Variants in ERO1A observed in about 807,000 individuals in gnomAD.
ERO1A encodes the protein ERO1-like protein alpha.
A neutral mutation model predicts 76.9 loss-of-function variants in ERO1A; 49 were observed. The observed-to-expected ratio is 0.64, with a 90% confidence interval of 0.51 to 0.81. ERO1A has a LOEUF of 0.81. ERO1A is among the 30% of genes least tolerant of loss of function. The pLI is 0.00. For missense variants in ERO1A, 448 were observed against 542.1 expected (o/e 0.83, Z 1.72); for synonymous variants, 174 against 181.2 (o/e 0.96, Z 0.32).
chr14:52,684,895 T>C (rs1419313002), intron 1 of ERO1A, among the ~76,000 whole-genome samples: 3 of 152,050 alleles, frequency 2.0e-5, no homozygotes, highest in Non-Finnish European at 4.4e-5. Flanking sequence ...GAACTAAAGA[T>C]TGCTTTAAGA....
intron 11 of ERO1A, among the ~76,000 whole-genome samples, chr14:52,654,116 T>G (rs1002929532): frequency 2.0e-5 from 3 of 152,152 alleles, no homozygotes. Flanking sequence ...TGCTTTTTAT[T>G]AAATTCATTA....
rs370745677 is a variant in ERO1A, at chr14:52,653,153, C to A, written c.971G>T (p.Arg324Leu). 39 of 1,612,662 alleles carry A rather than the reference C, an allele frequency of 2.4e-5. No individual in the cohort carries two copies. The African/African-American group carries it at 5.2e-4, about 22-fold the overall frequency. Residue 324 changes from arginine (R) to leucine (L), a missense_variant, in exon 12 of 16, where the codon CGC becomes CTC. Arg to Leu is a moderately radical substitution (Grantham distance 102, BLOSUM62 -2). Around this residue, in one of 2 missense-constraint regions of ERO1A, gnomAD observed 302 missense variants for 411.9 expected, o/e 0.73. Transcript: ENST00000395686. ...ALSKVLPFFE[R>L]PDFQLFTGNK... ...TCCAGTAAAGAGTTGAAAATCTGGG[C>A]GCTCGAAGAATGGTAACACTTTGGA...
At chr14:52,672,078 G>A in intron 4 of ERO1A, 2 of 412,210 alleles carry the variant, frequency 4.9e-6, no homozygotes, top group Non-Finnish European at 8.6e-6. Context: ...CCCGAGGCAG[G>A]TGGATCACCT....
At chr14:52,686,005 A>G (rs1269907924) in intron 1 of ERO1A, among the ~76,000 whole-genome samples, 1 of 152,214 alleles carries the variant, frequency 6.6e-6, no homozygotes. Flanking sequence ...TGAGGTCAGG[A>G]GTTGAAGACC....
chr14:52,663,251 A>G (rs903985856), intron 8 of ERO1A, among the ~76,000 whole-genome samples: 1 of 152,288 alleles, frequency 6.6e-6, no homozygotes. Context: ...TAGAATAAAT[A>G]TATATCCTAA....
At chr14:52,651,462 C>CACATTATATATATATTGATAT (rs566720653) in intron 13 of ERO1A, among the ~76,000 whole-genome samples, 1 of 151,942 alleles carries the variant, frequency 6.6e-6, no homozygotes, top group East Asian at 1.9e-4. Context: ...TATATGAGAT[C>CACATTATATATATATTGATAT]ATCAATGTGA....
At chr14:52,683,158 G>A (rs1337173982) in intron 2 of ERO1A, among the ~76,000 whole-genome samples, 1 of 151,818 alleles carries the variant, frequency 6.6e-6, no homozygotes, top group East Asian at 1.9e-4. Flanking sequence ...GCAGTGAGCA[G>A]AGATCATGCC....
chr14:52,657,983 A>G lies in ERO1A; in HGVS notation c.742T>C (p.Tyr248His), dbSNP rs1476596528. 6.2e-7 allele frequency: 1 copy of G among 1,611,860 alleles called. No individual in the cohort carries two copies. The highest frequency in any genetic ancestry group is 1.3e-5 in the African/African-American group (1 of 74,974). Residue 248 changes from tyrosine to histidine, a missense_variant, in exon 11 of 16, where the codon TAC becomes CAC. Physicochemically the swap from Tyr to His is moderately conservative, Grantham distance 83. This residue lies in a region of ERO1A where 302 missense variants were observed against 411.9 expected (regional missense o/e 0.73). Transcript: ENST00000395686. ...EGLCVEKRAF[Y>H]RLISGLHASI... ...GCATGTAGGCCAGATATAAGTCTGTAGAATGCTCTTTTTTCTACACAGAGA... is the reference window on the plus strand; with the variant it reads ...GCATGTAGGCCAGATATAAGTCTGTGGAATGCTCTTTTTTCTACACAGAGA...
chr14:52,671,026 A>G (rs539188486), intron 6 of ERO1A, among the ~76,000 whole-genome samples: 1 of 152,286 alleles, frequency 6.6e-6, no homozygotes, highest in South Asian at 2.1e-4. Flanking sequence ...ACCTCTGATA[A>G]TCTTTAATCT....
In ERO1A at chr14:52,652,227, T is replaced by C. The variant is rs534823216; in HGVS notation, c.1125+12A>G. 6.7e-7 allele frequency: 1 copy of C among 1,494,184 alleles called. No homozygotes were observed. Among genetic ancestry groups the C allele is most frequent in the East Asian group, 2.3e-5 (1 of 44,274 alleles). The allele number at this position is 1,494,184 out of a possible 1,614,324, so 92.6% of individuals were successfully genotyped here. On this transcript the variant is annotated intron_variant, in intron 13 of 15. Transcript: ENST00000395686. ...TCAGTTTGTATCTAACAGTTAAGTA[T>C]AAAGTAATTACCTTTAGTTTGTGTG...
intron 1 of ERO1A, among the ~76,000 whole-genome samples, chr14:52,684,894 A>T (rs2041130461): frequency 6.6e-6 from 1 of 152,146 alleles, no homozygotes; most frequent in Non-Finnish European, 1.5e-5. Flanking sequence ...AGAACTAAAG[A>T]TTGCTTTAAG....
rs749421090 is a variant in ERO1A at position 52,666,490 on chromosome 14, G to C, written c.514C>G (p.Gln172Glu). 9.3e-6 allele frequency: 15 copies of C among 1,605,962 alleles called. No homozygotes were observed. Among genetic ancestry groups the C allele is most frequent in the Admixed American group, 1.7e-5 (1 of 57,734 alleles). ...TCTACATATTCAGCTTCAGGGGACT[G>C]AATGTCTGTAAAATAAAATGTCTTA... ...SDNFCEADDI[Q>E]SPEAEYVDLL... The change falls in exon 7 of 16, where the codon CAG (glutamine) becomes GAG (glutamate). Residue 172 changes from glutamine to glutamate, a missense_variant. Gln to Glu is a conservative substitution (Grantham distance 29). Around this residue, in one of 2 missense-constraint regions of ERO1A, gnomAD observed 302 missense variants for 411.9 expected, o/e 0.73. Transcript: ENST00000395686.
intron 13 of ERO1A, among the ~76,000 whole-genome samples, chr14:52,651,912 T>G (rs189996104): frequency 3.3e-5 from 5 of 152,096 alleles, no homozygotes; most frequent in Non-Finnish European, 5.9e-5. Context: ...TGAAACTTTG[T>G]ACCCATGGAT....
At chr14:52,688,488 G>A (rs753626033) in intron 1 of ERO1A, among the ~76,000 whole-genome samples, 81 of 152,148 alleles carry the variant, frequency 5.3e-4, no homozygotes, top group Non-Finnish European at 9.6e-4. Context: ...TTGATACCAA[G>A]ATAAATAGTA....
chr14:52,654,011 T>C (rs191461672), intron 11 of ERO1A, among the ~76,000 whole-genome samples: 5 of 152,156 alleles, frequency 3.3e-5, no homozygotes, highest in East Asian at 3.9e-4. Flanking sequence ...TTCAGAAGAA[T>C]AGAGCAATAT....
At chr14:52,677,715 T>C (rs2040840116) in intron 4 of ERO1A, among the ~76,000 whole-genome samples, 4 of 151,556 alleles carry the variant, frequency 2.6e-5, no homozygotes, top group Admixed American at 6.6e-5. Context: ...TTCTTAAAAT[T>C]ATCTATGCAT....
Position 52,671,917 on chromosome 14 carries a change from T to A in ERO1A, c.358-46A>T, listed in dbSNP as rs759575455. ...AATAGATAATAACTTATTGCATTTT[T>A]AAAACTTGTTTAAAATTTAGAAGTT... On this transcript the variant is annotated intron_variant, in intron 4 of 15. Transcript: ENST00000395686. 3.0e-5 allele frequency: 38 copies of A among 1,265,420 alleles called. No homozygotes were observed. In the African/African-American group the frequency reaches 4.9e-4, roughly 16 times the overall value. The allele number at this position is 1,265,420 out of a possible 1,614,324, so 78.4% of individuals were successfully genotyped here. A position where few individuals can be genotyped will look rare whatever the true frequency, so the allele number is the denominator to read the frequency against.
chr14:52,658,087 A>T, intron 10 of ERO1A, 37 bp downstream of exon 10: 1 of 1,508,720 alleles, frequency 6.6e-7, no homozygotes, highest in Middle Eastern at 1.7e-4. Context: ...ATGAGAAAAA[A>T]ACCATCATTG....
chr14:52,675,494 T>C (rs1319423297), intron 4 of ERO1A, among the ~76,000 whole-genome samples: 4 of 152,114 alleles, frequency 2.6e-5, no homozygotes, highest in Non-Finnish European at 4.4e-5. Flanking sequence ...TAATGGGAAA[T>C]TTTAATTTAA....
Sources: allele counts gnomAD v4.1 joint callset (sites outside exome capture counted in the v4.1 genomes callset), GRCh38; gene constraint gnomAD v4.1.1; regional missense constraint gnomAD v4.1.1; transcripts MANE v1.5; gene names NCBI Gene and HGNC (gene_info 2026-07-23, HGNC 2026-07-21).